The following MAGI2 variants were observed in gnomAD, a reference collection of about 807,000 sequenced individuals.
MAGI2 encodes membrane-associated guanylate kinase, WW and PDZ domain-containing protein 2.
MAGI2 carries 35 observed loss-of-function variants against 133.3 expected under a neutral mutation model. That is an observed-to-expected ratio of 0.26 (90% CI 0.20 to 0.35). The LOEUF is 0.35. Among genes scored for constraint, MAGI2 ranks in the 10% least tolerant of loss-of-function variants. MAGI2 has a pLI of 1.00. For missense variants in MAGI2, 1,636 were observed against 1,863.4 expected (o/e 0.88, Z 2.25); for synonymous variants, 729 against 710.6 (o/e 1.03, Z -0.41).
intron 1 of MAGI2, among the ~76,000 whole-genome samples, chr7:79,285,429 C>T (rs886769339): frequency 6.6e-6 from 1 of 151,964 alleles, no homozygotes; most frequent in Non-Finnish European, 1.5e-5. Flanking sequence ...ATCAAGACTC[C>T]ATCCAGTGTG....
intron 2 of MAGI2, among the ~76,000 whole-genome samples, chr7:78,855,111 T>A (rs941323347): frequency 3.3e-5 from 5 of 152,114 alleles, no homozygotes; most frequent in Non-Finnish European, 7.4e-5. Context: ...AAAAATATTT[T>A]TGTAACAAGG....
chr7:79,125,420 G>C, intron 1 of MAGI2: 1 of 493,462 alleles, frequency 2.0e-6, no homozygotes. Flanking sequence ...GTCTTTGATG[G>C]GGATAGCTAT....
chr7:79,167,397 C>CAA (rs10542271), intron 1 of MAGI2, among the ~76,000 whole-genome samples: 1,653 of 84,676 alleles, frequency 0.02, 14 homozygotes, highest in Non-Finnish European at 0.025. Context: ...CCAAAAATGG[C>CAA]AAAAAAAAAA....
At chr7:78,690,240 T>G (rs1166802534) in intron 2 of MAGI2, among the ~76,000 whole-genome samples, 2 of 152,188 alleles carry the variant, frequency 1.3e-5, no homozygotes, top group East Asian at 1.9e-4. Context: ...AAAGACACAC[T>G]TAGCGAATGT....
intron 1 of MAGI2, among the ~76,000 whole-genome samples, chr7:79,337,152 C>T (rs1840494682): frequency 6.6e-6 from 1 of 152,042 alleles, no homozygotes; most frequent in South Asian, 2.1e-4. Flanking sequence ...AAATTGAAAA[C>T]AGAAGTCTAT....
intron 1 of MAGI2, among the ~76,000 whole-genome samples, chr7:79,387,948 AT>A (rs1250566147): frequency 6.6e-6 from 1 of 152,040 alleles, no homozygotes; most frequent in African/African-American, 2.4e-5. Flanking sequence ...AATAATTTAC[AT>A]TATTTAATCT....
At chr7:79,272,141 A>C (rs575449958) in intron 1 of MAGI2, among the ~76,000 whole-genome samples, 1 of 152,244 alleles carries the variant, frequency 6.6e-6, no homozygotes, top group African/African-American at 2.4e-5. Flanking sequence ...ATGTATTAAA[A>C]CTTAAGTATA....
chr7:79,201,163 A>G (rs1469537596), intron 1 of MAGI2, among the ~76,000 whole-genome samples: 2 of 151,986 alleles, frequency 1.3e-5, no homozygotes, highest in East Asian at 3.8e-4. Flanking sequence ...GGTTTTAGCA[A>G]AAGGTTCTGA....
intron 3 of MAGI2, among the ~76,000 whole-genome samples, chr7:78,587,593 T>C (rs1803559377): frequency 6.6e-6 from 1 of 152,256 alleles, no homozygotes; most frequent in African/African-American, 2.4e-5. Context: ...AATCACTTTA[T>C]ACAGTCCAAC....
intron 2 of MAGI2, among the ~76,000 whole-genome samples, chr7:78,687,577 C>T (rs1263060937): frequency 6.6e-6 from 1 of 152,162 alleles, no homozygotes; most frequent in East Asian, 1.9e-4. Context: ...AAATGTTGTC[C>T]AATAAATGTA....
At chr7:78,512,509 G>A (rs1407259490) in intron 4 of MAGI2, among the ~76,000 whole-genome samples, 3 of 152,256 alleles carry the variant, frequency 2.0e-5, no homozygotes, top group Non-Finnish European at 4.4e-5. Context: ...GGGTTCAAGC[G>A]ATTCTCTTGC....
At chr7:79,004,216 T>C (rs1807192348) in intron 2 of MAGI2, among the ~76,000 whole-genome samples, 1 of 152,104 alleles carries the variant, frequency 6.6e-6, no homozygotes, top group African/African-American at 2.4e-5. Context: ...GAAGTGTCCA[T>C]CAAGGGACAA....
chr7:78,302,035 G>A (rs1286589789), intron 9 of MAGI2, among the ~76,000 whole-genome samples: 2 of 152,158 alleles, frequency 1.3e-5, no homozygotes, highest in African/African-American at 4.8e-5. Context: ...CTAGCCAAAT[G>A]TTAGTGATTA....
At chr7:78,697,471 A>C (rs1170903417) in intron 2 of MAGI2, among the ~76,000 whole-genome samples, 1 of 152,188 alleles carries the variant, frequency 6.6e-6, no homozygotes, top group Non-Finnish European at 1.5e-5. Context: ...CCAAATTATT[A>C]AATTTCTGAA....
chr7:79,232,024 G>C (rs1219532620), intron 1 of MAGI2, among the ~76,000 whole-genome samples: 1 of 152,076 alleles, frequency 6.6e-6, no homozygotes, highest in Admixed American at 6.6e-5. Context: ...TTTTGTCAAA[G>C]GCTTTTTCTG....
intron 2 of MAGI2, among the ~76,000 whole-genome samples, chr7:78,674,286 A>G (rs956828111): frequency 1.3e-5 from 2 of 150,442 alleles, no homozygotes; most frequent in African/African-American, 4.9e-5. Flanking sequence ...TTAATTGGCT[A>G]TTTTGGCACC....
chr7:78,384,337 G>A (rs1269632493), intron 6 of MAGI2, among the ~76,000 whole-genome samples: 1 of 152,098 alleles, frequency 6.6e-6, no homozygotes, highest in Non-Finnish European at 1.5e-5. Context: ...CAAGATCCAT[G>A]GATCAGATAG....
At chr7:78,651,646 T>C (rs1811586182) in intron 2 of MAGI2, among the ~76,000 whole-genome samples, 1 of 152,164 alleles carries the variant, frequency 6.6e-6, no homozygotes, top group South Asian at 2.1e-4. Flanking sequence ...AGATTATGTA[T>C]ATTCTATATG....
At chr7:79,377,615 A>C (rs930643963) in intron 1 of MAGI2, among the ~76,000 whole-genome samples, 7 of 151,896 alleles carry the variant, frequency 4.6e-5, no homozygotes, top group African/African-American at 1.7e-4. Context: ...AATCAAGCAT[A>C]AGATGGACAG....
Sources: allele counts gnomAD v4.1 joint callset (sites outside exome capture counted in the v4.1 genomes callset), GRCh38; gene constraint gnomAD v4.1.1; transcripts MANE v1.5; gene names NCBI Gene and HGNC (gene_info 2026-07-23, HGNC 2026-07-21).